Variants in IKZF2 observed in about 807,000 individuals in gnomAD.
IKZF2 encodes IKAROS family zinc finger 2.
In IKZF2, 15 loss-of-function variants were observed where a neutral mutation model predicts 49.2. The observed-to-expected ratio is 0.30, with a 90% CI of 0.20 to 0.47. The LOEUF (loss-of-function observed/expected upper bound fraction) is 0.47. Among genes scored for constraint, IKZF2 ranks in the 20% least tolerant of loss-of-function variants. IKZF2 has a pLI of 1.00. For missense variants in IKZF2, 567 were observed against 664.6 expected, an observed-to-expected ratio of 0.85 and a Z score of 1.61; for synonymous variants, 227 against 221.4, an observed-to-expected ratio of 1.03 and a Z score of -0.23.
chr2:213,118,667 T>A (rs546823022), intron 4 of IKZF2, among the ~76,000 whole-genome samples: 8 of 152,198 alleles, frequency 5.3e-5, no homozygotes, highest in Non-Finnish European at 1.2e-4. Flanking sequence ...TTTCAGATTC[T>A]AATATTCTCT....
At chr2:213,069,916 C>T (rs1198700859) in intron 4 of IKZF2, among the ~76,000 whole-genome samples, 4 of 152,168 alleles carry the variant, frequency 2.6e-5, no homozygotes, top group South Asian at 4.1e-4. Flanking sequence ...CCTCACAGTG[C>T]TATTTCTAAG....
At chr2:213,085,141 TTC>T (rs1349387402) in intron 4 of IKZF2, among the ~76,000 whole-genome samples, 1 of 152,240 alleles carries the variant, frequency 6.6e-6, no homozygotes, top group Non-Finnish European at 1.5e-5. Context: ...CAAGTCATCT[TTC>T]TCTTTTAAAA....
chr2:213,075,553 CTAAA>C (rs1384586862), intron 4 of IKZF2, among the ~76,000 whole-genome samples: 1 of 151,878 alleles, frequency 6.6e-6, no homozygotes, highest in Non-Finnish European at 1.5e-5. Flanking sequence ...CAAATGTCAC[CTAAA>C]TAAATATTAT....
At chr2:213,104,087 A>G (rs995458620) in intron 4 of IKZF2, among the ~76,000 whole-genome samples, 1 of 152,078 alleles carries the variant, frequency 6.6e-6, no homozygotes, top group Non-Finnish European at 1.5e-5. Flanking sequence ...TGTAAGGGGG[A>G]AAAAGACCTC....
Position 213,013,946 on chromosome 2 carries a change from C to A in IKZF2, c.713-12G>T. ...TTCCATAGGAGGTACTATACAAAACCATAGAAAAATGCAATCTGATAATTT... is the reference window on the plus strand; with the variant it reads ...TTCCATAGGAGGTACTATACAAAACAATAGAAAAATGCAATCTGATAATTT... On this transcript the variant is annotated splice_polypyrimidine_tract_variant and intron_variant, in intron 7 of 8. Coordinates refer to ENST00000434687, the MANE Select transcript of IKZF2 (RefSeq NM_001387220.1). 1 of 1,607,586 alleles carries A rather than the reference C, an allele frequency of 6.2e-7. No individual in the cohort carries two copies. Among genetic ancestry groups the A allele is most frequent in the South Asian group, 1.1e-5 (1 of 90,360 alleles).
chr2:213,111,820 T>C (rs2059713319), intron 4 of IKZF2, among the ~76,000 whole-genome samples: 2 of 152,314 alleles, frequency 1.3e-5, no homozygotes, highest in South Asian at 4.1e-4. Context: ...GAAAATCATA[T>C]GATTGTTCTC....
chr2:213,038,941 T>G (rs1348561873), intron 6 of IKZF2, among the ~76,000 whole-genome samples: 1 of 152,118 alleles, frequency 6.6e-6, no homozygotes, highest in Non-Finnish European at 1.5e-5. Context: ...CAACTAACAT[T>G]ATGTTGTTTC....
At chr2:213,067,333 A>C (rs1702254384) in intron 4 of IKZF2, among the ~76,000 whole-genome samples, 1 of 152,110 alleles carries the variant, frequency 6.6e-6, no homozygotes, top group Non-Finnish European at 1.5e-5. Context: ...GGCTTTATGA[A>C]GGAAATGGCA....
chr2:213,083,824 T>C (rs371876074), intron 4 of IKZF2, among the ~76,000 whole-genome samples: 4 of 151,218 alleles, frequency 2.6e-5, no homozygotes, highest in African/African-American at 9.7e-5. Flanking sequence ...TCTGGGACTA[T>C]CTAGTTGCAG....
At chr2:213,049,569 T>A (rs1005580228) in intron 6 of IKZF2, 144 bp downstream of exon 6, 20 of 531,928 alleles carry the variant, frequency 3.8e-5, no homozygotes, top group Middle Eastern at 1.0e-3. Flanking sequence ...TCCTGCAAGA[T>A]TTATCAATTA....
rs890051312 is a variant in IKZF2, at chr2:213,123,183, C to T, written c.139+24525G>A. Among the ~76,000 whole-genome samples, 7 of 152,158 alleles carry T rather than the reference C, an allele frequency of 4.6e-5. No individual in the cohort carries two copies. The South Asian group carries it at 1.4e-3, about 31-fold the overall frequency. On this transcript the variant is annotated intron_variant, in intron 4 of 8. Transcript: ENST00000434687. ...CCTAGGAATCTTTCTTAAGAAATGT[C>T]AGCTGGAAAACCGTGATGAATTTCC... is the stretch of plus-strand genomic sequence containing the variant.
chr2:213,080,847 A>T (rs1014408696), intron 4 of IKZF2, among the ~76,000 whole-genome samples: 1 of 152,158 alleles, frequency 6.6e-6, no homozygotes, highest in Non-Finnish European at 1.5e-5. Flanking sequence ...AGGAAAAAAA[A>T]AGCTATTTAC....
intron 6 of IKZF2, among the ~76,000 whole-genome samples, chr2:213,035,997 G>C (rs922571064): frequency 6.6e-6 from 1 of 151,896 alleles, no homozygotes; most frequent in Non-Finnish European, 1.5e-5. Context: ...TAGTTATCAA[G>C]GTATGATTTT....
chr2:213,001,717 A>G lies in IKZF2; in HGVS notation c.*5643T>C, dbSNP rs1694921630. ...GAGAGGTAAACATCCATAGACAATG[A>G]CAGAAGGGAGACGGACAAAGAAAGA... On this transcript the variant is annotated 3_prime_UTR_variant, in exon 9 of 9. Coordinates refer to ENST00000434687, the MANE Select transcript of IKZF2 (RefSeq NM_001387220.1). The G allele has an allele frequency of 6.6e-6, 1 of 151,892 alleles. No individual in the cohort carries two copies. Among genetic ancestry groups the G allele is most frequent in the South Asian group, 2.1e-4 (1 of 4,834 alleles). 9.4% of individuals were successfully genotyped at this position (151,892 alleles called of 1,614,324 possible).
chr2:213,027,444 TCC>T (rs1559178387), intron 6 of IKZF2, among the ~76,000 whole-genome samples: 2 of 152,124 alleles, frequency 1.3e-5, no homozygotes, highest in Admixed American at 1.3e-4. Context: ...ACTTACCCCT[TCC>T]TCTGAGGTTC....
intron 4 of IKZF2, among the ~76,000 whole-genome samples, chr2:213,074,847 T>C (rs9653339): frequency 0.054 from 8,251 of 152,282 alleles, 740 homozygotes; most frequent in African/African-American, 0.19. Context: ...ATTAATATGA[T>C]GATGAATTTA....
intron 8 of IKZF2, among the ~76,000 whole-genome samples, chr2:213,011,303 TA>T: frequency 6.6e-6 from 1 of 152,050 alleles, no homozygotes; most frequent in Admixed American, 6.6e-5. Context: ...AGATTTTTTT[TA>T]ATTATGAGAA....
chr2:213,099,901 G>A (rs890803433), intron 4 of IKZF2, among the ~76,000 whole-genome samples: 2 of 151,966 alleles, frequency 1.3e-5, no homozygotes, highest in African/African-American at 4.8e-5. Context: ...GTTATTACTA[G>A]GTATATGAGT....
At chr2:213,141,840 C>T (rs1259898854) in intron 4 of IKZF2, among the ~76,000 whole-genome samples, 4 of 151,924 alleles carry the variant, frequency 2.6e-5, no homozygotes, top group South Asian at 2.1e-4. Context: ...TATGAGGTAT[C>T]CCACAAATAT....
Sources: allele counts gnomAD v4.1 joint callset (sites outside exome capture counted in the v4.1 genomes callset), GRCh38; gene constraint gnomAD v4.1.1; transcripts MANE v1.5; gene names NCBI Gene and HGNC (gene_info 2026-07-23, HGNC 2026-07-21).